SSX2IP: variants seen among roughly 807,000 people sequenced by gnomAD.
The protein encoded by SSX2IP is SSX family member 2 interacting protein.
SSX2IP carries 55 observed loss-of-function variants against 84.9 expected under a neutral mutation model. That is an observed-to-expected ratio of 0.65 (90% CI 0.52 to 0.81). The LOEUF is 0.81. SSX2IP is among the 30% of genes least tolerant of loss of function. The pLI, the probability that SSX2IP is intolerant of heterozygous loss-of-function variation, is 0.00. For synonymous variants in SSX2IP, 239 were observed against 234.7 expected (o/e 1.02, Z -0.17); for missense variants, 664 against 705.2 (o/e 0.94, Z 0.66).
Position 84,661,991 on chromosome 1 carries a change from C to T in SSX2IP, c.927+207G>A, listed in dbSNP as rs148395047. On this transcript the variant is annotated intron_variant, in intron 8 of 13. Transcript: ENST00000342203. ...CAGTGCTTGACATGTATTAATTCCC[C>T]GGAAAATCATCTCCAGCATTTTTCA... is the stretch of plus-strand genomic sequence containing the variant. Among the ~76,000 whole-genome samples, 69 of 152,178 alleles carry T rather than the reference C, an allele frequency of 4.5e-4. No homozygotes were observed. The East Asian group carries it at 0.013, about 28-fold the overall frequency.
At chr1:84,670,538 C>T (rs1281539479) in intron 3 of SSX2IP, 108 bp downstream of exon 3, 2 of 695,672 alleles carry the variant, frequency 2.9e-6, no homozygotes, top group Non-Finnish European at 4.4e-6. Context: ...GTCTCAGGGG[C>T]ACTACATAAA....
At chr1:84,685,567 T>C (rs1242095533) in intron 1 of SSX2IP, among the ~76,000 whole-genome samples, 1 of 152,208 alleles carries the variant, frequency 6.6e-6, no homozygotes, top group Non-Finnish European at 1.5e-5. Context: ...TAACTTACAG[T>C]TACAAACCTG....
At position 84,680,012 on chromosome 1, in the gene SSX2IP, C is replaced by G. The variant is rs140688316; in HGVS notation, c.-89-8704G>C. 1.9e-3 allele frequency among the ~76,000 whole-genome samples: 287 copies of G among 152,280 alleles called. 2 individuals are homozygous for G. Among genetic ancestry groups the G allele is most frequent in the African/African-American group, 6.4e-3 (266 of 41,556 alleles). On this transcript the variant is annotated intron_variant, in intron 1 of 13. Transcript: ENST00000342203. ...GCTCAGGAAGCAGCATCTCCTACGA[C>G]TACTCCTTTAAGAACCAGAAAAAAC...
At chr1:84,684,188 C>T (rs929194085) in intron 1 of SSX2IP, among the ~76,000 whole-genome samples, 2 of 152,166 alleles carry the variant, frequency 1.3e-5, no homozygotes, top group African/African-American at 4.8e-5. Context: ...CTGGGACCAG[C>T]AGCATCAACA....
chr1:84,650,689 T>C (rs1650098437), intron 12 of SSX2IP, among the ~76,000 whole-genome samples, 162 bp from the exon 13 acceptor site: 1 of 138,808 alleles, frequency 7.2e-6, no homozygotes, highest in Non-Finnish European at 1.5e-5. Flanking sequence ...TGTTGCATAG[T>C]CCACCCATGT....
At chr1:84,682,955 T>G (rs151131074) in intron 1 of SSX2IP, among the ~76,000 whole-genome samples, 236 of 152,328 alleles carry the variant, frequency 1.5e-3, no homozygotes, top group African/African-American at 5.4e-3. Flanking sequence ...TGTACGAACT[T>G]ATTCAATCTT....
rs540251859 is a variant in SSX2IP at position 84,673,823 on chromosome 1, A to G, written c.-89-2515T>C. On this transcript the variant is annotated intron_variant, in intron 1 of 13. Transcript: ENST00000342203. ...AATATATACTAAGACAGATGATGTT[A>G]CATGTCATATTACATGTTATGATGT... Among the ~76,000 whole-genome samples, 32 of 152,320 alleles carry G rather than the reference A, an allele frequency of 2.1e-4. No homozygotes were observed. In the South Asian group the frequency reaches 3.9e-3, roughly 19 times the overall value.
rs1196768272 is a variant in SSX2IP at position 84,664,421 on chromosome 1, TTTC to T, written c.666_668del (p.Lys223del). 1.3e-6 allele frequency: 2 copies of T among 1,578,300 alleles called. No individual in the cohort carries two copies. The highest frequency in any genetic ancestry group is 2.4e-5 in the South Asian group (2 of 84,294). ...TGATCTTTGCCAGCTGTTTACCTAT[TTTC>T]TTATCTTTCTTGTTCATAACAAGTT... On this transcript the variant is annotated inframe_deletion, in exon 6 of 14. Coordinates refer to ENST00000342203, the MANE Select transcript of SSX2IP (RefSeq NM_001166293.2).
rs552531937 is a variant in SSX2IP, at chr1:84,645,025, G to C, written c.*2408C>G. Reference sequence around the variant, plus strand: ...TTTTTCTTTGACATTTTTATGCTTTGAAAATTCAGAATGGATAAAAACAAA... The same window carrying C: ...TTTTTCTTTGACATTTTTATGCTTTCAAAATTCAGAATGGATAAAAACAAA... On this transcript the variant is annotated 3_prime_UTR_variant, in exon 14 of 14. Coordinates refer to ENST00000342203, the MANE Select transcript of SSX2IP (RefSeq NM_001166293.2). 1 of 152,190 alleles carries C rather than the reference G, an allele frequency of 6.6e-6. No individual in the cohort carries two copies. The highest frequency in any genetic ancestry group is 6.5e-5 in the Admixed American group (1 of 15,288). The allele number at this position is 152,190 out of a possible 1,614,324, so 9.4% of individuals were successfully genotyped here. A position where few individuals can be genotyped will look rare whatever the true frequency, so the allele number is the denominator to read the frequency against.
intron 9 of SSX2IP, 119 bp downstream of exon 9, chr1:84,658,199 C>A: frequency 9.3e-7 from 1 of 1,072,970 alleles, no homozygotes; most frequent in African/African-American, 1.6e-5. Context: ...GCTTTCAAAC[C>A]ACCAAACTGA....
chr1:84,654,078 T>C (rs1404132968), intron 11 of SSX2IP, among the ~76,000 whole-genome samples: 1 of 151,960 alleles, frequency 6.6e-6, no homozygotes, highest in East Asian at 1.9e-4. Flanking sequence ...AGTCAACCTG[T>C]AGATATATAT....
intron 1 of SSX2IP, among the ~76,000 whole-genome samples, chr1:84,679,528 G>A (rs1246887971): frequency 1.3e-5 from 2 of 152,170 alleles, no homozygotes; most frequent in Admixed American, 1.3e-4. Flanking sequence ...TTTATAGTTG[G>A]AAAGTACAGT....
At chr1:84,688,326 A>G (rs746084528) in intron 1 of SSX2IP, among the ~76,000 whole-genome samples, 8 of 152,214 alleles carry the variant, frequency 5.3e-5, no homozygotes, top group Non-Finnish European at 1.0e-4. Context: ...ACAAACCCAC[A>G]TCGTATCAAA....
chr1:84,684,670 C>T (rs972021199), intron 1 of SSX2IP, among the ~76,000 whole-genome samples: 1 of 152,152 alleles, frequency 6.6e-6, no homozygotes, highest in African/African-American at 2.4e-5. Flanking sequence ...TATACAGCAG[C>T]ATTCTTCACA....
At position 84,645,583 on chromosome 1, in the gene SSX2IP, T is replaced by C. The variant is rs746547927; in HGVS notation, c.*1850A>G. On this transcript the variant is annotated 3_prime_UTR_variant, in exon 14 of 14. Transcript: ENST00000342203. Reference sequence around the variant, plus strand: ...TAAAATAAGAGATTTACTTTAAAAATTAGAGTGCTTATTTCTTGCAAAGTA... The same window carrying C: ...TAAAATAAGAGATTTACTTTAAAAACTAGAGTGCTTATTTCTTGCAAAGTA... 6.6e-6 allele frequency: 1 copy of C among 152,200 alleles called. No individual in the cohort carries two copies. The highest frequency in any genetic ancestry group is 1.5e-5 in the Non-Finnish European group (1 of 68,026). The allele number at this position is 152,200 out of a possible 1,614,324, so 9.4% of individuals were successfully genotyped here.
intron 1 of SSX2IP, among the ~76,000 whole-genome samples, chr1:84,684,774 T>A (rs1299532855): frequency 6.6e-6 from 1 of 152,032 alleles, no homozygotes; most frequent in East Asian, 1.9e-4. Flanking sequence ...AAATGGAATA[T>A]TATGCAGTAA....
At chr1:84,650,142 G>C (rs1306561424) in intron 13 of SSX2IP, 1 of 617,346 alleles carries the variant, frequency 1.6e-6, no homozygotes, top group African/African-American at 1.8e-5. Flanking sequence ...TTACCTCCAA[G>C]AAGACAACAG....
intron 13 of SSX2IP, among the ~76,000 whole-genome samples, chr1:84,648,006 T>C (rs978700586): frequency 3.3e-5 from 5 of 152,132 alleles, no homozygotes; most frequent in African/African-American, 1.2e-4. Context: ...AGAATCCCTG[T>C]ACAAATGATC....
chr1:84,663,613 C>G (rs145257520), intron 6 of SSX2IP, among the ~76,000 whole-genome samples: 1 of 152,318 alleles, frequency 6.6e-6, no homozygotes, highest in African/African-American at 2.4e-5. Context: ...TGCTTGCTGA[C>G]AGCAGGCAGA....
Sources: allele counts gnomAD v4.1 joint callset (sites outside exome capture counted in the v4.1 genomes callset), GRCh38; gene constraint gnomAD v4.1.1; transcripts MANE v1.5; gene names NCBI Gene and HGNC (gene_info 2026-07-23, HGNC 2026-07-21).